SPIDR: variants seen among roughly 807,000 people sequenced by gnomAD.
SPIDR encodes scaffold protein involved in DNA repair.
A neutral mutation model predicts 104.6 loss-of-function variants in SPIDR; 93 were observed. The ratio of observed to expected loss-of-function variants is 0.89; its 90% CI spans 0.75 to 1.06. The LOEUF (loss-of-function observed/expected upper bound fraction) is 1.06. SPIDR is among the 50% of genes least tolerant of loss of function. SPIDR has a pLI of 0.00. For synonymous variants in SPIDR, 431 were observed against 416.9 expected (o/e 1.03, Z -0.41); for missense variants, 1,154 against 1,111.2 (o/e 1.04, Z -0.55).
chr8:47,453,447 C>T (rs184970043), intron 8 of SPIDR, among the ~76,000 whole-genome samples: 3 of 152,274 alleles, frequency 2.0e-5, no homozygotes, highest in East Asian at 1.9e-4. Flanking sequence ...GGAGGCATCA[C>T]GCTGCCTGAC....
intron 10 of SPIDR, among the ~76,000 whole-genome samples, chr8:47,633,371 G>A (rs1245796086): frequency 1.3e-5 from 2 of 152,240 alleles, no homozygotes; most frequent in East Asian, 3.9e-4. Context: ...GACTGTGTGG[G>A]TAGCCAGGAA....
At chr8:47,593,002 T>A (rs2061231023) in intron 8 of SPIDR, among the ~76,000 whole-genome samples, 1 of 152,144 alleles carries the variant, frequency 6.6e-6, no homozygotes, top group South Asian at 2.1e-4. Context: ...TTCTCCTGCC[T>A]CAGCCTCCCG....
At chr8:47,700,061 G>A (rs979208946) in intron 11 of SPIDR, among the ~76,000 whole-genome samples, 2 of 152,176 alleles carry the variant, frequency 1.3e-5, no homozygotes, top group African/African-American at 4.8e-5. Context: ...CACAGAGAGT[G>A]AGAGAGAGTT....
intron 5 of SPIDR, among the ~76,000 whole-genome samples, chr8:47,303,147 G>A: frequency 2.6e-5 from 4 of 152,290 alleles, no homozygotes; most frequent in Admixed American, 2.6e-4. Flanking sequence ...GGCAATGGTG[G>A]CTGCCCCTCC....
intron 5 of SPIDR, among the ~76,000 whole-genome samples, chr8:47,393,126 C>T (rs1021220176): frequency 6.6e-6 from 1 of 152,192 alleles, no homozygotes; most frequent in Non-Finnish European, 1.5e-5. Flanking sequence ...TCCAGACCTG[C>T]AGAGCCACTG....
chr8:47,475,234 G>A (rs1022864291), intron 8 of SPIDR, among the ~76,000 whole-genome samples: 8 of 152,198 alleles, frequency 5.3e-5, no homozygotes, highest in Admixed American at 1.3e-4. Context: ...TGGGTTAGCC[G>A]ATCTGCTAGG....
intron 10 of SPIDR, among the ~76,000 whole-genome samples, chr8:47,614,222 T>A (rs942446923): frequency 2.0e-5 from 3 of 152,094 alleles, no homozygotes; most frequent in Non-Finnish European, 4.4e-5. Context: ...TTTTTTTTTT[T>A]ATTTTTTAAT....
rs115539042 is a variant in SPIDR at position 47,663,791 on chromosome 8, C to A, written c.1545-10010C>A. 5.4e-3 allele frequency among the ~76,000 whole-genome samples: 817 copies of A among 152,330 alleles called. 3 individuals carry two copies. Among genetic ancestry groups the A allele is most frequent in the African/African-American group, 0.019 (788 of 41,580 alleles). On this transcript the variant is annotated intron_variant, in intron 10 of 19. Coordinates refer to ENST00000297423, the MANE Select transcript of SPIDR (RefSeq NM_001080394.4). Reference sequence around the variant, plus strand: ...GTTTTCTCACACGACACATGCTAATCATCTAGAGAATCTTTATTTCCAATG... The same window carrying A: ...GTTTTCTCACACGACACATGCTAATAATCTAGAGAATCTTTATTTCCAATG...
intron 11 of SPIDR, among the ~76,000 whole-genome samples, chr8:47,686,974 T>C (rs2077911449): frequency 6.6e-6 from 1 of 152,092 alleles, no homozygotes; most frequent in African/African-American, 2.4e-5. Context: ...TAGATACTTA[T>C]TAACAAAAAT....
chr8:47,530,120 C>T (rs913549243), intron 8 of SPIDR, among the ~76,000 whole-genome samples: 3 of 152,138 alleles, frequency 2.0e-5, no homozygotes, highest in Non-Finnish European at 1.5e-5. Flanking sequence ...ACTTGTATAG[C>T]ATGTAACTAT....
At chr8:47,519,892 A>T (rs1564210407) in intron 8 of SPIDR, among the ~76,000 whole-genome samples, 1 of 152,230 alleles carries the variant, frequency 6.6e-6, no homozygotes, top group Non-Finnish European at 1.5e-5. Context: ...ATCTTTAAAA[A>T]TTTTTAAACA....
intron 5 of SPIDR, among the ~76,000 whole-genome samples, chr8:47,338,238 C>T (rs2050124090): frequency 6.6e-6 from 1 of 152,052 alleles, no homozygotes; most frequent in African/African-American, 2.4e-5. Flanking sequence ...TAAGCTTGGC[C>T]TGAAGATTTC....
intron 8 of SPIDR, among the ~76,000 whole-genome samples, chr8:47,548,773 ATTTATT>A (rs1394710011): frequency 1.3e-5 from 2 of 152,126 alleles, no homozygotes; most frequent in African/African-American, 4.8e-5. Flanking sequence ...GTGTTTATTT[ATTTATT>A]TTTATTATAC....
At chr8:47,546,607 C>A (rs1208108652) in intron 8 of SPIDR, among the ~76,000 whole-genome samples, 1 of 152,080 alleles carries the variant, frequency 6.6e-6, no homozygotes, top group African/African-American at 2.4e-5. Context: ...GATTTCTGCT[C>A]TAATCTATTA....
At position 47,419,395 on chromosome 8, in the gene SPIDR, T is replaced by A. The variant is rs193160603; in HGVS notation, c.877+11434T>A. The stretch of plus-strand genomic sequence containing the variant: ...TATCCATTTCTTCTAGATTTTCTAG[T>A]TTATTTGCGTAGAGGTGTCTATATT... On this transcript the variant is annotated intron_variant, in intron 7 of 19. Coordinates refer to ENST00000297423, the MANE Select transcript of SPIDR (RefSeq NM_001080394.4). The A allele has an allele frequency of 1.2e-4, 19 of 152,308 alleles. No homozygotes were observed. The East Asian group carries it at 3.5e-3, about 28-fold the overall frequency. 9.4% of individuals were successfully genotyped at this position (152,308 alleles called of 1,614,324 possible). A position where few individuals can be genotyped will look rare whatever the true frequency, so the allele number is the denominator to read the frequency against.
chr8:47,713,845 G>T (rs1235800057), intron 16 of SPIDR, among the ~76,000 whole-genome samples: 1 of 152,168 alleles, frequency 6.6e-6, no homozygotes, highest in Non-Finnish European at 1.5e-5. Flanking sequence ...ACACAGACAG[G>T]CCTATCCTCA....
At chr8:47,360,644 C>T (rs1199204251) in intron 5 of SPIDR, among the ~76,000 whole-genome samples, 2 of 152,130 alleles carry the variant, frequency 1.3e-5, no homozygotes, top group Non-Finnish European at 2.9e-5. Context: ...GTGATTCCAG[C>T]GTTGTCAGGT....
chr8:47,294,327 A>C (rs1449869143), intron 5 of SPIDR: 1 of 279,650 alleles, frequency 3.6e-6, no homozygotes, highest in Non-Finnish European at 6.6e-6. Flanking sequence ...GGAATTGCAC[A>C]TGTCAGCCAC....
chr8:47,627,905 G>A (rs1407216933), intron 10 of SPIDR, among the ~76,000 whole-genome samples: 2 of 152,194 alleles, frequency 1.3e-5, no homozygotes, highest in African/African-American at 4.8e-5. Flanking sequence ...AGCTGGAACT[G>A]GTTAACATTA....
Sources: allele counts gnomAD v4.1 joint callset (sites outside exome capture counted in the v4.1 genomes callset), GRCh38; gene constraint gnomAD v4.1.1; transcripts MANE v1.5; gene names NCBI Gene and HGNC (gene_info 2026-07-23, HGNC 2026-07-21).